GOLGA6D: variants seen among roughly 807,000 people sequenced by gnomAD.
GOLGA6D encodes golgin A6 family member D, also known as golgin subfamily A member 6D.
A neutral mutation model predicts 42.1 loss-of-function variants in GOLGA6D; 9 were observed. That is an observed-to-expected ratio of 0.21 (90% CI 0.13 to 0.37). The LOEUF (loss-of-function observed/expected upper bound fraction) is 0.37, where lower values mean the gene tolerates loss of function less well. Ranked by LOEUF, GOLGA6D falls within the 10% of genes least tolerant of loss-of-function variation. The pLI is 1.00. For synonymous variants in GOLGA6D, 39 were observed against 167.3 expected, an observed-to-expected ratio of 0.23 and a Z score of 5.92; for missense variants, 87 against 420.8, an observed-to-expected ratio of 0.21 and a Z score of 6.94.
chr15:75,279,407 TC>T (rs1287492919), upstream of GOLGA6D, among the ~76,000 whole-genome samples: 4 of 5,620 alleles, frequency 7.1e-4, no homozygotes, highest in African/African-American at 1.3e-3. Context: ...AAAATTGCAT[TC>T]TTTTTGTAAT....
At chr15:75,278,968 G>A (rs541327574), upstream of GOLGA6D, among the ~76,000 whole-genome samples, 1 of 149,220 alleles carries the variant, frequency 6.7e-6, no homozygotes, top group Non-Finnish European at 1.5e-5. Context: ...GTTCTGATAA[G>A]TAGTTCTTTT....
At chr15:75,278,116 CATATACACCACAT>C (rs1313660723), upstream of GOLGA6D, among the ~76,000 whole-genome samples, 1 of 105,272 alleles carries the variant, frequency 9.5e-6, no homozygotes, top group Non-Finnish European at 1.8e-5. Flanking sequence ...GAGTTTCACA[CATATACACCACAT>C]ATACCCCCCA....
chr15:75,276,324 C>T, the GOLGA6D span, among the ~76,000 whole-genome samples: 3 of 151,334 alleles, frequency 2.0e-5, no homozygotes, highest in Non-Finnish European at 2.9e-5. Context: ...ATCCACTCCT[C>T]CAGGTGGACC....
the GOLGA6D span, among the ~76,000 whole-genome samples, chr15:75,276,165 A>C: frequency 0.048 from 6,894 of 142,920 alleles, 6 homozygotes; most frequent in Middle Eastern, 0.077. Flanking sequence ...CCTCACCCCC[A>C]TGGGGAAGAC....
the GOLGA6D span, among the ~76,000 whole-genome samples, chr15:75,277,766 C>T: frequency 6.7e-6 from 1 of 150,000 alleles, no homozygotes; most frequent in East Asian, 2.0e-4. Flanking sequence ...TCCACCACTC[C>T]ACTGCAGCCT....
chr15:75,289,371 A>C, intron 7 of GOLGA6D, 26 bp from the exon 8 acceptor site: 1 of 1,548,148 alleles, frequency 6.5e-7, no homozygotes, highest in Non-Finnish European at 8.7e-7. Flanking sequence ...TCCCCAGATC[A>C]AAACTTCTCA....
At chr15:75,276,145 T>G in the GOLGA6D span, among the ~76,000 whole-genome samples, 1 of 151,610 alleles carries the variant, frequency 6.6e-6, no homozygotes, top group Non-Finnish European at 1.5e-5. Context: ...GAGGTGTGTC[T>G]TGAATGCCCC....
upstream of GOLGA6D, among the ~76,000 whole-genome samples, chr15:75,278,688 G>T (rs1314484136): frequency 2.5e-3 from 381 of 151,222 alleles, no homozygotes; most frequent in South Asian, 5.0e-3. Context: ...AAGGCAGCAG[G>T]ATCTTTAATA....
chr15:75,294,472 C>T lies in GOLGA6D; in HGVS notation c.2079C>T (p.Thr693=), dbSNP rs2114257. Residue 693 remains threonine, a synonymous_variant, in exon 18 of 18, where the codon ACC becomes ACT. Coordinates refer to ENST00000434739, the MANE Select transcript of GOLGA6D (RefSeq NM_001145224.3). The part of the protein sequence containing the change: ...IVQLSPVMQD[T] Reference sequence around the variant, plus strand: ...AGCTGTCTCCTGTCATGCAGGACACCTAGGAGCACCCAGGCTTGCCCAGCA... The same window carrying T: ...AGCTGTCTCCTGTCATGCAGGACACTTAGGAGCACCCAGGCTTGCCCAGCA... 6.3e-7 allele frequency: 1 copy of T among 1,589,048 alleles called. No homozygotes were observed. The highest frequency in any genetic ancestry group is 2.2e-5 in the East Asian group (1 of 44,620).
rs2070861878 is a variant in GOLGA6D, at chr15:75,288,284, C to T, written c.484C>T (p.Leu162=). The change falls in exon 7 of 18, where the codon CTG becomes TTG. Residue 162 remains leucine (L), a synonymous_variant. Transcript: ENST00000434739. ...EEESKDLAGR[L]QYSLQHIQEL... is the part of the protein sequence containing the mutation. ...AGAGTCCAAGGATCTGGCTGGCCGCCTGCAATACTCCTTACAGCATATTCA... is the reference window on the plus strand; with the variant it reads ...AGAGTCCAAGGATCTGGCTGGCCGCTTGCAATACTCCTTACAGCATATTCA... 6.4e-7 allele frequency: 1 copy of T among 1,562,804 alleles called. No homozygotes were observed. The highest frequency in any genetic ancestry group is 1.5e-5 in the African/African-American group (1 of 64,676).
upstream of GOLGA6D, among the ~76,000 whole-genome samples, chr15:75,278,846 A>G (rs1461415252): frequency 7.3e-5 from 11 of 151,584 alleles, no homozygotes; most frequent in Non-Finnish European, 1.0e-4. Context: ...AGATGGATGT[A>G]TCAGATGCTT....
upstream of GOLGA6D, among the ~76,000 whole-genome samples, chr15:75,278,711 G>A (rs1293664650): frequency 6.6e-6 from 1 of 151,642 alleles, no homozygotes; most frequent in South Asian, 2.1e-4. Context: ...GTTCAGCTTT[G>A]TCAATGGAGA....
In GOLGA6D at chr15:75,293,466, A is replaced by C. The variant is rs563499930; in HGVS notation, c.1594-263A>C. ...GAGCCAGTTCCCAGGAGGAGCAGGC[A>C]CGGCTATGTGGGCAGCGGAAGGTGT... On this transcript the variant is annotated intron_variant, in intron 14 of 17. Transcript: ENST00000434739. Among the ~76,000 whole-genome samples the C allele has an allele frequency of 2.2e-3, 325 of 145,780 alleles. 5 individuals are homozygous for C. The highest frequency in any genetic ancestry group is 8.1e-3 in the African/African-American group (303 of 37,528).
chr15:75,277,877 G>T (rs1410291105), upstream of GOLGA6D, among the ~76,000 whole-genome samples: 1 of 149,948 alleles, frequency 6.7e-6, no homozygotes, highest in African/African-American at 2.5e-5. Context: ...AAAAGGTCGA[G>T]ACAGTGTGTA....
chr15:75,279,234 CA>C (rs2070839298), upstream of GOLGA6D, among the ~76,000 whole-genome samples: 1 of 97,042 alleles, frequency 1.0e-5, no homozygotes, highest in East Asian at 3.2e-4. Flanking sequence ...TTGAAATGTC[CA>C]AAAAAGGCAA....
the GOLGA6D span, among the ~76,000 whole-genome samples, chr15:75,276,220 C>T: frequency 1.3e-5 from 2 of 151,734 alleles, no homozygotes; most frequent in African/African-American, 4.9e-5. Context: ...AACCCACATT[C>T]CCTGCCCCTC....
At chr15:75,288,498 TG>T in intron 7 of GOLGA6D, 134 bp downstream of exon 7, 1 of 891,818 alleles carries the variant, frequency 1.1e-6, no homozygotes, top group South Asian at 1.4e-5. Flanking sequence ...CTTTTGTGTA[TG>T]GTTGTTAGAG....
Position 75,294,453 on chromosome 15 carries a change from C to G in GOLGA6D, c.2060C>G (p.Ser687Cys). Reference sequence around the variant, plus strand: ...ACTGTACAGCAGATCGTGCAGCTGTCTCCTGTCATGCAGGACACCTAGGAG... The same window carrying G: ...ACTGTACAGCAGATCGTGCAGCTGTGTCCTGTCATGCAGGACACCTAGGAG... ...NPTVQQIVQL[S>C]PVMQDT The change falls in exon 18 of 18, where the codon TCT becomes TGT. Residue 687 changes from serine (S) to cysteine (C), a missense_variant. By Grantham distance (112) the Ser-to-Cys change is moderately radical. Transcript: ENST00000434739. 6.3e-7 allele frequency: 1 copy of G among 1,596,688 alleles called. No homozygotes were observed. Among genetic ancestry groups the G allele is most frequent in the South Asian group, 1.1e-5 (1 of 90,458 alleles).
chr15:75,278,770 G>T (rs554202327), upstream of GOLGA6D, among the ~76,000 whole-genome samples: 2 of 151,974 alleles, frequency 1.3e-5, no homozygotes, highest in South Asian at 4.2e-4. Flanking sequence ...TCTGGGGGAG[G>T]GAAAAAATAT....
Sources: gnomAD v4.1 joint callset for allele counts (sites outside exome capture counted in the v4.1 genomes callset) on GRCh38, gnomAD v4.1.1 for gene constraint, MANE v1.5 for transcripts, NCBI Gene and HGNC (gene_info 2026-07-23, HGNC 2026-07-21) for gene names.